The following ZNF385B variants were observed in gnomAD, a reference collection of about 807,000 sequenced individuals.
ZNF385B encodes the protein zinc finger protein 385B, also known as zinc finger protein 533.
In ZNF385B, 23 loss-of-function variants were observed where a neutral mutation model predicts 39.2. That is an observed-to-expected ratio of 0.59 (90% confidence interval 0.42 to 0.83). The LOEUF is 0.83. ZNF385B is among the 40% of genes least tolerant of loss of function. The pLI, the probability that ZNF385B is intolerant of heterozygous loss-of-function variation, is 0.00. For missense variants in ZNF385B, 552 were observed against 598.9 expected (o/e 0.92, Z 0.82); for synonymous variants, 205 against 222.6 (o/e 0.92, Z 0.70).
intron 1 of ZNF385B, among the ~76,000 whole-genome samples, chr2:179,785,431 T>C (rs1420123825): frequency 6.6e-6 from 1 of 152,158 alleles, no homozygotes; most frequent in Non-Finnish European, 1.5e-5. Flanking sequence ...AGGCTATGGC[T>C]GCCATCAATA....
At chr2:179,823,231 A>G (rs528510152) in intron 1 of ZNF385B, among the ~76,000 whole-genome samples, 1 of 152,200 alleles carries the variant, frequency 6.6e-6, no homozygotes, top group Non-Finnish European at 1.5e-5. Flanking sequence ...TTCAGTTACC[A>G]TAAAATACCA....
chr2:179,550,998 T>C (rs1280624523), intron 3 of ZNF385B, among the ~76,000 whole-genome samples: 1 of 152,068 alleles, frequency 6.6e-6, no homozygotes, highest in Non-Finnish European at 1.5e-5. Flanking sequence ...TGATACAATA[T>C]ACCCATTACG....
At chr2:179,554,870 G>A (rs545250141) in intron 3 of ZNF385B, among the ~76,000 whole-genome samples, 27 of 149,240 alleles carry the variant, frequency 1.8e-4, no homozygotes, top group South Asian at 4.3e-4. Flanking sequence ...GTGTCGACAA[G>A]GATACAGAGC....
At chr2:179,753,268 G>A (rs1702794071) in intron 3 of ZNF385B, among the ~76,000 whole-genome samples, 1 of 152,028 alleles carries the variant, frequency 6.6e-6, no homozygotes, top group South Asian at 2.1e-4. Flanking sequence ...ATTTCTGAGG[G>A]CTCTGTTCTG....
chr2:179,638,652 A>G (rs1003249337), intron 3 of ZNF385B, among the ~76,000 whole-genome samples: 4 of 152,140 alleles, frequency 2.6e-5, no homozygotes, highest in African/African-American at 4.8e-5. Context: ...TTATCCACTG[A>G]GAGGACCTAG....
chr2:179,556,545 T>A (rs1429325236), intron 3 of ZNF385B, among the ~76,000 whole-genome samples: 1 of 149,732 alleles, frequency 6.7e-6, no homozygotes, highest in Non-Finnish European at 1.5e-5. Flanking sequence ...TCTAAATTAC[T>A]AAGTCTTTGG....
intron 6 of ZNF385B, among the ~76,000 whole-genome samples, chr2:179,475,570 A>G (rs1481086218): frequency 6.6e-6 from 1 of 151,666 alleles, no homozygotes. Context: ...TTTATTAGAC[A>G]GTGCTGGTCT....
At chr2:179,497,336 G>A (rs1016109969) in intron 5 of ZNF385B, among the ~76,000 whole-genome samples, 1 of 152,022 alleles carries the variant, frequency 6.6e-6, no homozygotes, top group African/African-American at 2.4e-5. Context: ...AAAAATAACA[G>A]CTACAACAAC....
At chr2:179,709,786 A>T (rs1699869744) in intron 3 of ZNF385B, among the ~76,000 whole-genome samples, 1 of 152,160 alleles carries the variant, frequency 6.6e-6, no homozygotes, top group South Asian at 2.1e-4. Context: ...GCCCAGTGCA[A>T]CAGTGGCAGG....
chr2:179,622,860 G>A (rs1040894150), intron 3 of ZNF385B, among the ~76,000 whole-genome samples: 1 of 152,130 alleles, frequency 6.6e-6, no homozygotes, highest in African/African-American at 2.4e-5. Flanking sequence ...CTAGCAAAGG[G>A]AGGGACATGC....
At chr2:179,494,250 T>G (rs148188169) in intron 5 of ZNF385B, among the ~76,000 whole-genome samples, 1 of 152,238 alleles carries the variant, frequency 6.6e-6, no homozygotes, top group East Asian at 1.9e-4. Flanking sequence ...AGGATTTTGA[T>G]TTTTATTCTG....
chr2:179,533,862 A>T (rs2059406773), intron 4 of ZNF385B, among the ~76,000 whole-genome samples: 1 of 152,224 alleles, frequency 6.6e-6, no homozygotes, highest in Non-Finnish European at 1.5e-5. Flanking sequence ...ATTATGTCTT[A>T]CTACTCTATG....
intron 3 of ZNF385B, among the ~76,000 whole-genome samples, chr2:179,673,646 C>T (rs1696351891): frequency 6.6e-6 from 1 of 152,126 alleles, no homozygotes; most frequent in Non-Finnish European, 1.5e-5. Context: ...CTTGACTTTC[C>T]TCTTCTCCAG....
In ZNF385B at chr2:179,815,470, T is replaced by C. The variant is rs558667694; in HGVS notation, c.-154-44798A>G. Reference sequence around the variant, plus strand: ...GAAACTGAATGGGAGCAGGAGCTAATTGAAAATAGGGAAAAGAACTATACC... The same window carrying C: ...GAAACTGAATGGGAGCAGGAGCTAACTGAAAATAGGGAAAAGAACTATACC... On this transcript the variant is annotated intron_variant, in intron 1 of 9. Transcript: ENST00000410066. 8.6e-4 allele frequency among the ~76,000 whole-genome samples: 128 copies of C among 148,076 alleles called. 3 individuals are homozygous for C. Among genetic ancestry groups the C allele is most frequent in the Admixed American group, 3.7e-3 (54 of 14,692 alleles).
chr2:179,820,160 A>G (rs1366485519), intron 1 of ZNF385B, among the ~76,000 whole-genome samples: 2 of 152,118 alleles, frequency 1.3e-5, no homozygotes, highest in Non-Finnish European at 2.9e-5. Flanking sequence ...ATTTTTTAAA[A>G]TAAAAGTTTG....
At position 179,831,241 on chromosome 2, in the gene ZNF385B, G is replaced by A. The variant is rs145749368; in HGVS notation, c.-155+29860C>T. Among the ~76,000 whole-genome samples the A allele has an allele frequency of 2.0e-3, 298 of 152,178 alleles. 7 individuals are homozygous for A. In the East Asian group the frequency reaches 0.047, roughly 24 times the overall value. ...TTACTATGCATTTACAAAGTGCCAGGTACTGTGCTGCAAATTTTATACACT... is the reference window on the plus strand; with the variant it reads ...TTACTATGCATTTACAAAGTGCCAGATACTGTGCTGCAAATTTTATACACT... On this transcript the variant is annotated intron_variant, in intron 1 of 9. Transcript: ENST00000410066.
At chr2:179,460,652 A>G (rs2051232160) in intron 6 of ZNF385B, among the ~76,000 whole-genome samples, 1 of 152,040 alleles carries the variant, frequency 6.6e-6, no homozygotes, top group Non-Finnish European at 1.5e-5. Flanking sequence ...GTTTTTTGAG[A>G]TGTTTTTCAG....
At chr2:179,462,097 A>C (rs1043770872) in intron 6 of ZNF385B, among the ~76,000 whole-genome samples, 1 of 152,236 alleles carries the variant, frequency 6.6e-6, no homozygotes, top group African/African-American at 2.4e-5. Context: ...ATATTGCACT[A>C]AACAGAGGCA....
At chr2:179,771,378 C>T (rs991590991) in intron 1 of ZNF385B, among the ~76,000 whole-genome samples, 2 of 152,146 alleles carry the variant, frequency 1.3e-5, no homozygotes, top group Admixed American at 1.3e-4. Context: ...ACCCATACAT[C>T]CAATTGTGAA....
Sources: gnomAD v4.1 joint callset for allele counts (sites outside exome capture counted in the v4.1 genomes callset) on GRCh38, gnomAD v4.1.1 for gene constraint, MANE v1.5 for transcripts, NCBI Gene and HGNC (gene_info 2026-07-23, HGNC 2026-07-21) for gene names.